Variants in ARHGAP31 observed in about 807,000 individuals in gnomAD.
ARHGAP31 encodes Rho GTPase activating protein 31, also known as rho GTPase-activating protein 31.
A neutral mutation model predicts 113.9 loss-of-function variants in ARHGAP31; 34 were observed. That is an observed-to-expected ratio of 0.30 (90% CI 0.23 to 0.40). The LOEUF (loss-of-function observed/expected upper bound fraction) is 0.40, where lower values mean the gene tolerates loss of function less well. ARHGAP31 is among the 10% of genes least tolerant of loss of function. ARHGAP31 has a pLI of 1.00. For missense variants in ARHGAP31, 1,548 were observed against 1,767.1 expected, an observed-to-expected ratio of 0.88 and a Z score of 2.22; for synonymous variants, 650 against 684.8, an observed-to-expected ratio of 0.95 and a Z score of 0.79.
At chr3:119,413,367 G>A (rs974862330) in intron 11 of ARHGAP31, among the ~76,000 whole-genome samples, 1 of 151,880 alleles carries the variant, frequency 6.6e-6, no homozygotes, top group Non-Finnish European at 1.5e-5. Flanking sequence ...TACTTATTTG[G>A]AAAGCAGGTG....
rs536000289 is a variant in ARHGAP31, at chr3:119,398,857, T to C, written c.1007-342T>C. On this transcript the variant is annotated intron_variant, in intron 8 of 11. Transcript: ENST00000264245. The stretch of plus-strand genomic sequence containing the variant: ...ATACGAAGAATGCCCTGGAGCCTCA[T>C]GGATTCTACCCCTGGATTCATCCTT... 2.0e-5 allele frequency among the ~76,000 whole-genome samples: 3 copies of C among 152,344 alleles called. No homozygotes were observed. The South Asian group carries it at 6.2e-4, about 32-fold the overall frequency.
At chr3:119,335,577 G>A (rs1454616653) in intron 1 of ARHGAP31, among the ~76,000 whole-genome samples, 1 of 152,156 alleles carries the variant, frequency 6.6e-6, no homozygotes, top group Non-Finnish European at 1.5e-5. Flanking sequence ...GTATTGGGGA[G>A]GAGAACACAG....
At chr3:119,383,265 C>G (rs1222308915) in intron 6 of ARHGAP31, 39 bp downstream of exon 6, 6 of 1,612,682 alleles carry the variant, frequency 3.7e-6, no homozygotes, top group Non-Finnish European at 4.2e-6. Flanking sequence ...CCAGCTTATC[C>G]TTCTTTCTTG....
chr3:119,316,385 G>C (rs2079730848), intron 1 of ARHGAP31, among the ~76,000 whole-genome samples: 1 of 152,190 alleles, frequency 6.6e-6, no homozygotes, highest in Admixed American at 6.5e-5. Context: ...TTTAGGACTG[G>C]ATAAACTTGA....
Position 119,311,646 on chromosome 3 carries a change from C to T in ARHGAP31, c.100+16642C>T, listed in dbSNP as rs966095765. 4.6e-5 allele frequency among the ~76,000 whole-genome samples: 7 copies of T among 152,070 alleles called. No individual in the cohort carries two copies. The East Asian group carries it at 1.2e-3, about 25-fold the overall frequency. On this transcript the variant is annotated intron_variant, in intron 1 of 11. Transcript: ENST00000264245. Reference sequence around the variant, plus strand: ...GCATTCACTTAAGAGAATAGAGTGGCGATTATGGGAGTGGAGGAAGAGATG... The same window carrying T: ...GCATTCACTTAAGAGAATAGAGTGGTGATTATGGGAGTGGAGGAAGAGATG...
At chr3:119,384,750 A>G (rs1314872851) in intron 6 of ARHGAP31, among the ~76,000 whole-genome samples, 1 of 152,200 alleles carries the variant, frequency 6.6e-6, no homozygotes, top group East Asian at 1.9e-4. Context: ...AGTTCCCAAC[A>G]CATGAACTTT....
At chr3:119,306,538 C>A (rs578215194) in intron 1 of ARHGAP31, among the ~76,000 whole-genome samples, 2 of 152,050 alleles carry the variant, frequency 1.3e-5, no homozygotes. Context: ...GCCTGGGGGA[C>A]GGTGTGAGAC....
chr3:119,390,896 G>T lies in ARHGAP31; in HGVS notation c.794G>T (p.Arg265Leu). The T allele has an allele frequency of 1.9e-6, 3 of 1,614,122 alleles. No homozygotes were observed. Among genetic ancestry groups the T allele is most frequent in the Non-Finnish European group, 2.5e-6 (3 of 1,180,040 alleles). The change falls in exon 7 of 12, where the codon CGC becomes CTC. Residue 265 changes from arginine to leucine, a missense_variant. By Grantham distance (102) the Arg-to-Leu change is moderately radical. Transcript: ENST00000264245. ...AGCCTGGCCACTAACCATCCTGCTC[G>T]CAAGGAAAGGAGGGAGAACAGCCTG... Reference protein sequence around the residue: ...ARSLATNHPARKERRENSLPE... With the variant: ...ARSLATNHPALKERRENSLPE...
chr3:119,418,244 G>A lies in ARHGAP31; in HGVS notation c.*1980G>A, dbSNP rs2080794491. ...CTTCTCATTGGGTGAGGAAGACATT[G>A]AACCAACAGCCAACGAGATATGAAC... is the stretch of plus-strand genomic sequence containing the variant. On this transcript the variant is annotated 3_prime_UTR_variant, in exon 12 of 12. Coordinates refer to ENST00000264245, the MANE Select transcript of ARHGAP31 (RefSeq NM_020754.4). 1 of 152,074 alleles carries A rather than the reference G, an allele frequency of 6.6e-6. No individual in the cohort carries two copies. The highest frequency in any genetic ancestry group is 1.5e-5 in the Non-Finnish European group (1 of 68,032). 9.4% of individuals were successfully genotyped at this position (152,074 alleles called of 1,614,324 possible). A position where few individuals can be genotyped will look rare whatever the true frequency, so the allele number is the denominator to read the frequency against.
chr3:119,379,957 A>G (rs1043884855), intron 3 of ARHGAP31, among the ~76,000 whole-genome samples: 1 of 152,216 alleles, frequency 6.6e-6, no homozygotes, highest in Non-Finnish European at 1.5e-5. Context: ...TTCTCAGAAC[A>G]TGGGTGCAGG....
chr3:119,355,908 C>T (rs2080152962), intron 1 of ARHGAP31, among the ~76,000 whole-genome samples: 1 of 152,038 alleles, frequency 6.6e-6, no homozygotes, highest in South Asian at 2.1e-4. Context: ...GGATTGGTTC[C>T]AAGTCTTTGC....
chr3:119,345,120 G>C (rs765532180), intron 1 of ARHGAP31, among the ~76,000 whole-genome samples: 1 of 152,026 alleles, frequency 6.6e-6, no homozygotes, highest in Non-Finnish European at 1.5e-5. Context: ...GAGTAACTGG[G>C]ACTACAGGTG....
At chr3:119,347,705 C>T (rs1354281663) in intron 1 of ARHGAP31, among the ~76,000 whole-genome samples, 3 of 152,170 alleles carry the variant, frequency 2.0e-5, no homozygotes, top group Non-Finnish European at 4.4e-5. Flanking sequence ...ATCTCTGACA[C>T]CTTCTGTGTA....
chr3:119,321,738 T>G (rs1050135552), intron 1 of ARHGAP31, among the ~76,000 whole-genome samples: 1 of 152,164 alleles, frequency 6.6e-6, no homozygotes, highest in Non-Finnish European at 1.5e-5. Context: ...AGCCTCTACC[T>G]CTCGGGCTCA....
In ARHGAP31 at chr3:119,416,394, C is replaced by A; in HGVS notation, c.*130C>A. ...TTGTGGCCTCTGACTTCTCTTTCTT[C>A]AGCCTTTTGACCACTTATTAATTAG... On this transcript the variant is annotated 3_prime_UTR_variant, in exon 12 of 12. Coordinates refer to ENST00000264245, the MANE Select transcript of ARHGAP31 (RefSeq NM_020754.4). 1 of 1,339,134 alleles carries A rather than the reference C, an allele frequency of 7.5e-7. No homozygotes were observed. Among genetic ancestry groups the A allele is most frequent in the Non-Finnish European group, 1.0e-6 (1 of 960,170 alleles). The allele number at this position is 1,339,134 out of a possible 1,614,324, so 83.0% of individuals were successfully genotyped here.
Position 119,413,964 on chromosome 3 carries a change from A to G in ARHGAP31, c.2035A>G (p.Thr679Ala). 1 of 1,614,162 alleles carries G rather than the reference A, an allele frequency of 6.2e-7. No individual in the cohort carries two copies. The highest frequency in any genetic ancestry group is 8.5e-7 in the Non-Finnish European group (1 of 1,180,028). ...ATCGTTGCCACCTCCTGCTCTGAAG[A>G]CCAGCCCAATTCAGCCTATTCTCGA... ...LSSLPPPALK[T>A]SPIQPILESS... Residue 679 changes from threonine to alanine, a missense_variant, in exon 12 of 12, where the codon ACC becomes GCC. By Grantham distance (58) the Thr-to-Ala change is moderately conservative. Transcript: ENST00000264245.
Position 119,312,344 on chromosome 3 carries a change from G to A in ARHGAP31, c.100+17340G>A, listed in dbSNP as rs1465602460. 6.6e-5 allele frequency among the ~76,000 whole-genome samples: 10 copies of A among 152,322 alleles called. No individual in the cohort carries two copies. The East Asian group carries it at 1.4e-3, about 21-fold the overall frequency. On this transcript the variant is annotated intron_variant, in intron 1 of 11. Coordinates refer to ENST00000264245, the MANE Select transcript of ARHGAP31 (RefSeq NM_020754.4). ...GGGAAATTTCATTTCACTCAGTCCT[G>A]TGGATGATAACTAGAAGGATGTTTA...
At chr3:119,327,264 C>T (rs150022785) in intron 1 of ARHGAP31, among the ~76,000 whole-genome samples, 1,704 of 152,248 alleles carry the variant, frequency 0.011, 43 homozygotes, top group African/African-American at 0.039. Flanking sequence ...CAACGTCAGC[C>T]GGGCACAGTG....
chr3:119,363,999 T>C (rs2080232143), intron 1 of ARHGAP31, among the ~76,000 whole-genome samples: 1 of 152,114 alleles, frequency 6.6e-6, no homozygotes, highest in Admixed American at 6.5e-5. Flanking sequence ...GGGACCAAAG[T>C]GGCAAGTGAT....
Sources: gnomAD v4.1 joint callset for allele counts (sites outside exome capture counted in the v4.1 genomes callset) on GRCh38, gnomAD v4.1.1 for gene constraint, MANE v1.5 for transcripts, NCBI Gene and HGNC (gene_info 2026-07-23, HGNC 2026-07-21) for gene names.